HHIPL1: variants seen among roughly 807,000 people sequenced by gnomAD.
HHIPL1 encodes HHIP like 1, also known as HHIP-like protein 1.
In HHIPL1, 43 loss-of-function variants were observed where a neutral mutation model predicts 61.8. The observed-to-expected ratio is 0.70, with a 90% CI of 0.55 to 0.90. The LOEUF (loss-of-function observed/expected upper bound fraction) is 0.90, where lower values mean the gene tolerates loss of function less well. Ranked by LOEUF, HHIPL1 falls within the 40% of genes least tolerant of loss-of-function variation. The pLI, the probability that HHIPL1 is intolerant of heterozygous loss-of-function variation, is 0.00. For missense variants in HHIPL1, 1,056 were observed against 1,157.7 expected, an observed-to-expected ratio of 0.91 and a Z score of 1.28; for synonymous variants, 482 against 515.8, an observed-to-expected ratio of 0.93 and a Z score of 0.89.
chr14:99,651,623 T>G (rs1264598338), intron 1 of HHIPL1, among the ~76,000 whole-genome samples: 1 of 152,020 alleles, frequency 6.6e-6, no homozygotes, highest in Non-Finnish European at 1.5e-5. Context: ...GGGTTACAAT[T>G]CTACACGAGA....
intron 7 of HHIPL1, among the ~76,000 whole-genome samples, chr14:99,669,582 A>G (rs1163469412): frequency 1.3e-5 from 2 of 152,186 alleles, no homozygotes; most frequent in Admixed American, 1.3e-4. Context: ...GTCTCTAAAA[A>G]AATTAATTAA....
intron 1 of HHIPL1, among the ~76,000 whole-genome samples, chr14:99,648,334 C>A (rs565682854): frequency 3.3e-5 from 5 of 152,172 alleles, no homozygotes; most frequent in Non-Finnish European, 5.9e-5. Context: ...AATTCCTTTC[C>A]CCTTCCACAG....
At chr14:99,642,679 C>T (rs1203790227), upstream of HHIPL1, among the ~76,000 whole-genome samples, 1 of 152,068 alleles carries the variant, frequency 6.6e-6, no homozygotes. Flanking sequence ...GCGCCCATCA[C>T]CATGCCCGGC....
At chr14:99,637,201 G>GAAGAAAGAAAGAAAGGAAGA in the HHIPL1 span, among the ~76,000 whole-genome samples, 1 of 87,324 alleles carries the variant, frequency 1.1e-5, no homozygotes, top group South Asian at 4.8e-4. Context: ...AGAAAGAAAG[G>GAAGAAAGAAAGAAAGGAAGA]AAGAAAGAAA....
chr14:99,605,248 G>A, the HHIPL1 span, among the ~76,000 whole-genome samples: 103 of 152,194 alleles, frequency 6.8e-4, no homozygotes, highest in African/African-American at 2.4e-3. Context: ...CGGGGGCGCC[G>A]AGCCGGCCAC....
In HHIPL1 at chr14:99,675,373, T is replaced by C. The variant is rs901642796; in HGVS notation, c.2096T>C (p.Val699Ala). 20 of 1,512,958 alleles carry C rather than the reference T, an allele frequency of 1.3e-5. No homozygotes were observed. The highest frequency in any genetic ancestry group is 1.0e-4 in the Admixed American group (5 of 49,858). The allele number at this position is 1,512,958 out of a possible 1,614,324, so 93.7% of individuals were successfully genotyped here. A position where few individuals can be genotyped will look rare whatever the true frequency, so the allele number is the denominator to read the frequency against. ...TTCGTGGGCGGACGCTGGGGCACCG[T>C]GTGCGACGACTCCTGGAACATCAGC... The part of the protein sequence containing the change: ...EVFVGGRWGT[V>A]CDDSWNISGA... The change falls in exon 9 of 9, where the codon GTG (valine) becomes GCG (alanine). Residue 699 changes from valine (V) to alanine (A), a missense_variant. By Grantham distance (64) the Val-to-Ala change is moderately conservative (BLOSUM62 0). Coordinates refer to ENST00000330710, the MANE Select transcript of HHIPL1 (RefSeq NM_001127258.3). This position sits in a 1 kb window ranked among gnomAD's most constrained non-coding sequence, Gnocchi z 5.4.
Position 99,652,455 on chromosome 14 carries a change from G to T in HHIPL1, c.487G>T (p.Val163Phe), listed in dbSNP as rs2055949917. ...DTDYCFPYLL[V>F]NKNLNSNLGH... ...GGACTACTGCTTCCCTTACCTGCTG[G>T]TCAACAAGAACCTCAACTCAAACCT... Residue 163 changes from valine to phenylalanine, a missense_variant, in exon 2 of 9, where the codon GTC becomes TTC. By Grantham distance (50) the Val-to-Phe change is conservative. Coordinates refer to ENST00000330710, the MANE Select transcript of HHIPL1 (RefSeq NM_001127258.3). 6.2e-7 allele frequency: 1 copy of T among 1,613,986 alleles called. No individual in the cohort carries two copies. The highest frequency in any genetic ancestry group is 8.5e-7 in the Non-Finnish European group (1 of 1,180,044).
chr14:99,675,443 G>A lies in HHIPL1; in HGVS notation c.2166G>A (p.Val722=), dbSNP rs1390634879. 1.3e-6 allele frequency: 2 copies of A among 1,538,024 alleles called. No individual in the cohort carries two copies. The highest frequency in any genetic ancestry group is 2.7e-5 in the African/African-American group (2 of 72,844). Residue 722 remains valine, a synonymous_variant, in exon 9 of 9, where the codon GTG becomes GTA. Coordinates refer to ENST00000330710, the MANE Select transcript of HHIPL1 (RefSeq NM_001127258.3). The surrounding 1 kb of genome is among the most constrained non-coding windows in gnomAD (Gnocchi z 5.4). ...VCRQLGFAYA[V]RAVKRAEFGQ... is the part of the protein sequence containing the mutation. ...GCCAGCTGGGGTTTGCCTACGCCGT[G>A]CGCGCCGTCAAGAGAGCCGAGTTCG...
the HHIPL1 span, among the ~76,000 whole-genome samples, chr14:99,639,896 G>A: frequency 6.6e-5 from 10 of 152,104 alleles, no homozygotes; most frequent in African/African-American, 2.2e-4. Context: ...TCCTGACCTC[G>A]TGATCCTCCC....
At chr14:99,664,770 CCT>C (rs1287289422) in intron 6 of HHIPL1, among the ~76,000 whole-genome samples, 1 of 152,044 alleles carries the variant, frequency 6.6e-6, no homozygotes, top group Non-Finnish European at 1.5e-5. Context: ...TCCCCTTTGC[CCT>C]CTGAAAGTTC....
chr14:99,645,836 G>A (rs1285525294), intron 1 of HHIPL1, among the ~76,000 whole-genome samples: 2 of 152,166 alleles, frequency 1.3e-5, no homozygotes, highest in Non-Finnish European at 2.9e-5. Context: ...GGGTACCAAG[G>A]TGGAGAGGCA....
the HHIPL1 span, among the ~76,000 whole-genome samples, chr14:99,636,866 A>G: frequency 4.0e-5 from 6 of 151,398 alleles, no homozygotes; most frequent in Non-Finnish European, 5.9e-5. Context: ...GCATGCCTGT[A>G]GTCCCAGCTA....
chr14:99,637,168 AAAAGAAAG>A, the HHIPL1 span, among the ~76,000 whole-genome samples: 3 of 110,586 alleles, frequency 2.7e-5, no homozygotes, highest in Admixed American at 1.0e-4. Context: ...GAAAGAAAGA[AAAAGAAAG>A]AAAGAAAGAA....
At chr14:99,642,520 T>C (rs1427070610), upstream of HHIPL1, among the ~76,000 whole-genome samples, 1 of 143,768 alleles carries the variant, frequency 7.0e-6, no homozygotes, top group Non-Finnish European at 1.5e-5. Flanking sequence ...TTTTAATATA[T>C]CTTTTAATTT....
In HHIPL1 at chr14:99,668,070, T is replaced by A; in HGVS notation, c.1649-152T>A. 1 of 667,666 alleles carries A rather than the reference T, an allele frequency of 1.5e-6. No individual in the cohort carries two copies. The highest frequency in any genetic ancestry group is 2.1e-5 in the Admixed American group (1 of 46,684). The allele number at this position is 667,666 out of a possible 1,614,324, so 41.4% of individuals were successfully genotyped here. On this transcript the variant is annotated intron_variant, in intron 6 of 8. Transcript: ENST00000330710. This position sits in a 1 kb window ranked among gnomAD's most constrained non-coding sequence, Gnocchi z 4.7. ...AGCCTCACTTCCTCTTTCTGGGGAC[T>A]GGACAGCTAGACTGAGCTGGGATGC...
chr14:99,614,198 C>T, the HHIPL1 span, among the ~76,000 whole-genome samples: 1 of 152,134 alleles, frequency 6.6e-6, no homozygotes, highest in South Asian at 2.1e-4. Flanking sequence ...AACCCCAGGC[C>T]ACACGGTGAG....
chr14:99,642,200 A>G (rs2055760933), upstream of HHIPL1, among the ~76,000 whole-genome samples: 1 of 152,138 alleles, frequency 6.6e-6, no homozygotes, highest in African/African-American at 2.4e-5. Flanking sequence ...TCCACCTCCC[A>G]AAGTGCTGGG....
chr14:99,661,734 G>A (rs1164017610), intron 5 of HHIPL1, among the ~76,000 whole-genome samples: 1 of 152,198 alleles, frequency 6.6e-6, no homozygotes, highest in Non-Finnish European at 1.5e-5. Context: ...CAAAGTGCTG[G>A]GATTACAGGC....
the HHIPL1 span, among the ~76,000 whole-genome samples, chr14:99,633,762 C>T: frequency 2.5e-4 from 38 of 152,236 alleles, no homozygotes; most frequent in East Asian, 5.4e-3. Context: ...AGGCAGCCTC[C>T]GCCTTCCCCA....
Sources: gnomAD v4.1 joint callset for allele counts (sites outside exome capture counted in the v4.1 genomes callset) on GRCh38, gnomAD v4.1.1 for gene constraint, Gnocchi (gnomAD v3.1) non-coding constraint, MANE v1.5 for transcripts, NCBI Gene and HGNC (gene_info 2026-07-23, HGNC 2026-07-21) for gene names.